The following CSMD3 variants were observed in gnomAD, a reference collection of about 807,000 sequenced individuals.
CSMD3 encodes the protein CUB and sushi domain-containing protein 3.
CSMD3 carries 177 observed loss-of-function variants against 435.2 expected under a neutral mutation model. The ratio of observed to expected loss-of-function variants is 0.41; its 90% CI spans 0.36 to 0.46. The LOEUF is 0.46. CSMD3 is among the 20% of genes least tolerant of loss of function. The pLI, the probability that CSMD3 is intolerant of heterozygous loss-of-function variation, is 0.34. For synonymous variants in CSMD3, 1,656 were observed against 1,520.5 expected (o/e 1.09, Z -2.07); for missense variants, 4,265 against 4,504.6 (o/e 0.95, Z 1.52).
chr8:112,662,446 G>T (rs2075407877), intron 17 of CSMD3, among the ~76,000 whole-genome samples: 1 of 151,950 alleles, frequency 6.6e-6, no homozygotes, highest in Admixed American at 6.6e-5. Flanking sequence ...TTAATAAATG[G>T]TGCTGGGAAA....
chr8:112,735,813 T>G (rs925577770), intron 13 of CSMD3, among the ~76,000 whole-genome samples: 10 of 152,062 alleles, frequency 6.6e-5, no homozygotes, highest in African/African-American at 2.2e-4. Context: ...ATAACACTTT[T>G]TTTTTACTGT....
At chr8:112,903,085 T>C (rs2082150469) in intron 10 of CSMD3, among the ~76,000 whole-genome samples, 1 of 147,910 alleles carries the variant, frequency 6.8e-6, no homozygotes. Context: ...CTGAGCATTA[T>C]GTGTCTTTCT....
At chr8:113,204,011 CT>C (rs1308721386) in intron 3 of CSMD3, among the ~76,000 whole-genome samples, 2 of 152,088 alleles carry the variant, frequency 1.3e-5, no homozygotes, top group South Asian at 4.1e-4. Flanking sequence ...TATTTCCCCC[CT>C]ATACTCACAC....
At chr8:112,251,031 A>G (rs1459413221) in intron 63 of CSMD3, among the ~76,000 whole-genome samples, 2 of 151,622 alleles carry the variant, frequency 1.3e-5, no homozygotes, top group Non-Finnish European at 3.0e-5. Flanking sequence ...AGTAAGCTCT[A>G]TTTTCCCTTC....
chr8:112,392,049 T>G (rs1359360766), intron 35 of CSMD3, among the ~76,000 whole-genome samples: 1 of 152,128 alleles, frequency 6.6e-6, no homozygotes, highest in Non-Finnish European at 1.5e-5. Flanking sequence ...AAAAGGCTTT[T>G]GTGAAAAATA....
intron 11 of CSMD3, among the ~76,000 whole-genome samples, chr8:112,852,183 G>C (rs1245785361): frequency 6.6e-6 from 1 of 152,160 alleles, no homozygotes; most frequent in Non-Finnish European, 1.5e-5. Context: ...GGACACATGG[G>C]TAGAAAACAG....
At chr8:112,398,920 CTT>C (rs201965219) in intron 35 of CSMD3, among the ~76,000 whole-genome samples, 4 of 143,934 alleles carry the variant, frequency 2.8e-5, no homozygotes, top group South Asian at 2.2e-4. Context: ...TGATTAAACT[CTT>C]TTTTTTTTTT....
intron 22 of CSMD3, among the ~76,000 whole-genome samples, chr8:112,608,507 A>G (rs1368728118): frequency 6.6e-6 from 1 of 152,130 alleles, no homozygotes; most frequent in East Asian, 1.9e-4. Context: ...AGCTGATGGC[A>G]TCATACTTCC....
intron 18 of CSMD3, among the ~76,000 whole-genome samples, chr8:112,654,036 T>TA (rs143012985): frequency 0.3 from 45,091 of 151,692 alleles, 6,768 homozygotes; most frequent in East Asian, 0.36. Flanking sequence ...AAGAATGGGG[T>TA]AAAAAATATA....
intron 31 of CSMD3, among the ~76,000 whole-genome samples, chr8:112,480,694 G>A (rs1329261356): frequency 6.6e-6 from 1 of 151,992 alleles, no homozygotes; most frequent in Non-Finnish European, 1.5e-5. Flanking sequence ...ACCATGATTG[G>A]AAGCCTTCTG....
intron 27 of CSMD3, among the ~76,000 whole-genome samples, chr8:112,521,413 C>T (rs575668321): frequency 1.3e-5 from 2 of 152,046 alleles, no homozygotes; most frequent in Admixed American, 6.6e-5. Context: ...ACTATTCCTT[C>T]CTTCTTCAAG....
At chr8:112,722,386 T>C (rs946755821) in intron 13 of CSMD3, among the ~76,000 whole-genome samples, 2 of 152,186 alleles carry the variant, frequency 1.3e-5, no homozygotes, top group African/African-American at 2.4e-5. Context: ...TGAATGTTAA[T>C]TTTCTAAACA....
chr8:112,935,729 G>A (rs532945452), intron 9 of CSMD3, among the ~76,000 whole-genome samples: 5 of 151,862 alleles, frequency 3.3e-5, no homozygotes, highest in Non-Finnish European at 5.9e-5. Flanking sequence ...GTTGTATGGG[G>A]ATTTTTTTTA....
chr8:112,251,743 A>G (rs945728334), intron 63 of CSMD3, among the ~76,000 whole-genome samples: 2 of 151,756 alleles, frequency 1.3e-5, no homozygotes, highest in Non-Finnish European at 3.0e-5. Flanking sequence ...ACTTTATGTA[A>G]CAAGCCCTAA....
intron 23 of CSMD3, among the ~76,000 whole-genome samples, chr8:112,583,186 A>G (rs1035789689): frequency 3.3e-5 from 5 of 152,024 alleles, no homozygotes; most frequent in Non-Finnish European, 7.4e-5. Flanking sequence ...AATAATATAC[A>G]AAGTGTGAAA....
chr8:112,330,337 AAAT>A (rs142457052), intron 45 of CSMD3, among the ~76,000 whole-genome samples: 3,669 of 152,220 alleles, frequency 0.024, 156 homozygotes, highest in African/African-American at 0.083. Flanking sequence ...CAATAACAGA[AAAT>A]AATAACATAA....
chr8:112,909,238 A>T (rs2082341523), intron 10 of CSMD3, among the ~76,000 whole-genome samples: 1 of 151,540 alleles, frequency 6.6e-6, no homozygotes, highest in Non-Finnish European at 1.5e-5. Flanking sequence ...ATTAACTCCA[A>T]ATTGGTTCAG....
chr8:112,385,743 AG>A (rs1468306814), intron 36 of CSMD3, among the ~76,000 whole-genome samples: 2 of 152,172 alleles, frequency 1.3e-5, no homozygotes, highest in African/African-American at 4.8e-5. Context: ...GAAAAATTTG[AG>A]AATAATTTAT....
At chr8:112,442,886 A>G (rs1424322590) in intron 32 of CSMD3, among the ~76,000 whole-genome samples, 10 of 152,216 alleles carry the variant, frequency 6.6e-5, no homozygotes. Flanking sequence ...AGCCTGGCCT[A>G]AGGGATGTCA....
Sources: allele counts gnomAD v4.1 joint callset (sites outside exome capture counted in the v4.1 genomes callset), GRCh38; gene constraint gnomAD v4.1.1; transcripts MANE v1.5; gene names NCBI Gene and HGNC (gene_info 2026-07-23, HGNC 2026-07-21).